The following PTPRT variants were observed in gnomAD, a reference collection of about 807,000 sequenced individuals.
PTPRT encodes receptor-type tyrosine-protein phosphatase T.
Under a neutral mutation model 176.8 loss-of-function variants are expected in PTPRT, and 56 were observed. The observed-to-expected ratio is 0.32, with a 90% CI of 0.26 to 0.40. The LOEUF is 0.40. Among genes scored for constraint, PTPRT ranks in the 10% least tolerant of loss-of-function variants. The pLI is 1.00. For synonymous variants in PTPRT, 783 were observed against 739.0 expected (o/e 1.06, Z -0.96); for missense variants, 1,540 against 1,908.2 (o/e 0.81, Z 3.60).
intron 16 of PTPRT, among the ~76,000 whole-genome samples, chr20:42,188,708 ATTACT>A (rs1990876939): frequency 1.3e-5 from 2 of 152,268 alleles, no homozygotes; most frequent in East Asian, 3.9e-4. Context: ...TTTATCCCTG[ATTACT>A]TTAACAAGCA....
chr20:43,170,561 G>A (rs1047832842), intron 1 of PTPRT, among the ~76,000 whole-genome samples: 2 of 152,224 alleles, frequency 1.3e-5, no homozygotes, highest in Non-Finnish European at 2.9e-5. Flanking sequence ...AATTTATCAC[G>A]ACACATGCGT....
intron 13 of PTPRT, among the ~76,000 whole-genome samples, chr20:42,277,884 TCATCCATCCATC>T (rs60397646): frequency 2.9e-4 from 41 of 139,778 alleles, no homozygotes; most frequent in African/African-American, 4.7e-4. Flanking sequence ...AGTCATCCAC[TCATCCATCCATC>T]CATCCATCCA....
At chr20:43,152,664 T>C (rs2014396525) in intron 1 of PTPRT, among the ~76,000 whole-genome samples, 1 of 152,236 alleles carries the variant, frequency 6.6e-6, no homozygotes, top group East Asian at 1.9e-4. Context: ...CCTGTCAATG[T>C]AGAGGATGAT....
intron 14 of PTPRT, among the ~76,000 whole-genome samples, chr20:42,237,550 G>C (rs933768970): frequency 1.3e-5 from 2 of 152,138 alleles, no homozygotes; most frequent in Non-Finnish European, 2.9e-5. Flanking sequence ...ATATATTGAA[G>C]TTTTATCTAT....
intron 1 of PTPRT, among the ~76,000 whole-genome samples, chr20:42,956,417 C>T (rs1981640576): frequency 7.8e-6 from 1 of 128,226 alleles, no homozygotes; most frequent in African/African-American, 4.0e-5. Context: ...CTTGCTCCTA[C>T]TCTAGCCGTG....
chr20:42,539,014 C>A (rs144619923), intron 7 of PTPRT, among the ~76,000 whole-genome samples: 2 of 152,294 alleles, frequency 1.3e-5, no homozygotes, highest in South Asian at 4.1e-4. Context: ...TATGTACAAA[C>A]TCCTATTTCA....
chr20:42,895,206 T>G (rs1600530910), intron 1 of PTPRT, among the ~76,000 whole-genome samples: 1 of 152,212 alleles, frequency 6.6e-6, no homozygotes, highest in African/African-American at 2.4e-5. Flanking sequence ...TTTACACAGT[T>G]CTGGAGGCCA....
intron 2 of PTPRT, among the ~76,000 whole-genome samples, chr20:42,808,611 C>T (rs1243074564): frequency 2.6e-5 from 4 of 151,858 alleles, no homozygotes; most frequent in South Asian, 2.1e-4. Context: ...AGAAATGGGA[C>T]GTAATAAAAT....
Position 43,189,561 on chromosome 20 carries a change from T to G in PTPRT, c.88+85A>C. The stretch of plus-strand genomic sequence containing the variant: ...GCGCCCCCGCGAGCCCACACAACTT[T>G]CTCCTCCGAGGGCCCCGCGGCTGGG... On this transcript the variant is annotated intron_variant, in intron 1 of 30. Coordinates refer to ENST00000373187, the MANE Select transcript of PTPRT (RefSeq NM_007050.6). The surrounding 1 kb of genome is among the most constrained non-coding windows in gnomAD (Gnocchi z 5.0). The G allele has an allele frequency of 1.1e-6, 1 of 929,340 alleles. No individual in the cohort carries two copies. Among genetic ancestry groups the G allele is most frequent in the Non-Finnish European group, 1.4e-6 (1 of 728,150 alleles). The allele number at this position is 929,340 out of a possible 1,614,324, so 57.6% of individuals were successfully genotyped here.
chr20:42,805,144 A>G (rs557145964), intron 2 of PTPRT, among the ~76,000 whole-genome samples: 1 of 152,310 alleles, frequency 6.6e-6, no homozygotes, highest in South Asian at 2.1e-4. Context: ...TTTTAACTAT[A>G]AAACAATACA....
intron 7 of PTPRT, among the ~76,000 whole-genome samples, chr20:42,599,908 G>A (rs192977044): frequency 5.3e-5 from 8 of 152,006 alleles, no homozygotes; most frequent in African/African-American, 1.4e-4. Flanking sequence ...CCCTACCACC[G>A]TGCCCACTTA....
chr20:42,376,830 A>G (rs1568825593), intron 9 of PTPRT, among the ~76,000 whole-genome samples: 1 of 152,152 alleles, frequency 6.6e-6, no homozygotes, highest in Non-Finnish European at 1.5e-5. Flanking sequence ...AGTGGGGGAG[A>G]TGAGCAAGAG....
chr20:42,612,081 T>A (rs958384829), intron 7 of PTPRT, among the ~76,000 whole-genome samples: 1 of 152,142 alleles, frequency 6.6e-6, no homozygotes, highest in Non-Finnish European at 1.5e-5. Flanking sequence ...CAGCACCTGC[T>A]GGACCCACCC....
chr20:42,896,989 G>A (rs2079312358), intron 1 of PTPRT, among the ~76,000 whole-genome samples: 1 of 152,106 alleles, frequency 6.6e-6, no homozygotes, highest in African/African-American at 2.4e-5. Context: ...GTGTGTGCCG[G>A]GGGGGTGTTT....
intron 2 of PTPRT, among the ~76,000 whole-genome samples, chr20:42,813,370 A>T (rs1487809447): frequency 6.6e-6 from 1 of 151,106 alleles, no homozygotes; most frequent in Non-Finnish European, 1.5e-5. Flanking sequence ...GCTTGCTTGC[A>T]TCCCTTCCTT....
intron 1 of PTPRT, among the ~76,000 whole-genome samples, chr20:43,186,682 G>C (rs1394802518): frequency 6.6e-6 from 1 of 152,210 alleles, no homozygotes; most frequent in Non-Finnish European, 1.5e-5. Flanking sequence ...TTTACTATGT[G>C]TTTGCGATTG....
At chr20:42,232,102 G>A (rs1462102412) in intron 15 of PTPRT, among the ~76,000 whole-genome samples, 1 of 152,088 alleles carries the variant, frequency 6.6e-6, no homozygotes, top group Non-Finnish European at 1.5e-5. Context: ...ATTTTTACTT[G>A]TGCTAACTCC....
At chr20:42,687,556 G>A (rs2075719054) in intron 6 of PTPRT, 1 of 152,140 alleles carries the variant, frequency 6.6e-6, no homozygotes, top group Non-Finnish European at 1.5e-5. Flanking sequence ...TGCTAATCAG[G>A]AGTCCTCAGA....
At position 42,264,332 on chromosome 20, in the gene PTPRT, G is replaced by C. The variant is rs569950252; in HGVS notation, c.2177-15510C>G. 6.4e-4 allele frequency among the ~76,000 whole-genome samples: 97 copies of C among 152,286 alleles called. 1 individual carries two copies. The highest frequency in any genetic ancestry group is 1.9e-3 in the Admixed American group (29 of 15,308). ...AGTGGGGAGACGGGCAACAGAAAAT[G>C]GCAGCTCAAATGATGTACCAATAGC... is the stretch of plus-strand genomic sequence containing the variant. On this transcript the variant is annotated intron_variant, in intron 13 of 30. Coordinates refer to ENST00000373187, the MANE Select transcript of PTPRT (RefSeq NM_007050.6).
Sources: gnomAD v4.1 joint callset for allele counts (sites outside exome capture counted in the v4.1 genomes callset) on GRCh38, gnomAD v4.1.1 for gene constraint, Gnocchi (gnomAD v3.1) non-coding constraint, MANE v1.5 for transcripts, NCBI Gene and HGNC (gene_info 2026-07-23, HGNC 2026-07-21) for gene names.